ADAMTSL3: variants seen among roughly 807,000 people sequenced by gnomAD.
The protein encoded by ADAMTSL3 is ADAMTS like 3.
In ADAMTSL3, 128 loss-of-function variants were observed where a neutral mutation model predicts 201.7. The ratio of observed to expected loss-of-function variants is 0.63; its 90% CI spans 0.55 to 0.73. ADAMTSL3 has a LOEUF of 0.73. Among genes scored for constraint, ADAMTSL3 ranks in the 30% least tolerant of loss-of-function variants. ADAMTSL3 has a pLI of 0.00. For synonymous variants in ADAMTSL3, 738 were observed against 748.4 expected (o/e 0.99, Z 0.23); for missense variants, 1,990 against 2,119.6 (o/e 0.94, Z 1.20).
intron 10 of ADAMTSL3, 89 bp from the exon 11 acceptor site, chr15:83,890,020 G>GA (rs566486880): frequency 5.8e-3 from 7,287 of 1,262,680 alleles, no homozygotes; most frequent in Non-Finnish European, 6.2e-3. Flanking sequence ...TCTTAAAGAG[G>GA]AAAAAAAAAA....
intron 10 of ADAMTSL3, among the ~76,000 whole-genome samples, chr15:83,886,568 A>T (rs1316044325): frequency 6.6e-6 from 1 of 152,082 alleles, no homozygotes; most frequent in African/African-American, 2.4e-5. Context: ...TGCCTCCCCT[A>T]AACCTCCTAC....
intron 17 of ADAMTSL3, among the ~76,000 whole-genome samples, chr15:83,935,074 C>T (rs966450803): frequency 5.3e-5 from 8 of 152,108 alleles, no homozygotes; most frequent in African/African-American, 1.9e-4. Context: ...TGAGAAATTA[C>T]CTAATAGGTA....
intron 27 of ADAMTSL3, among the ~76,000 whole-genome samples, chr15:84,027,579 G>A (rs540386354): frequency 5.3e-4 from 80 of 152,084 alleles, no homozygotes; most frequent in Non-Finnish European, 8.7e-4. Context: ...GCGTGGTGGC[G>A]GGTGCCTGTA....
In ADAMTSL3 at chr15:83,913,323, G is replaced by A. The variant is rs780806119; in HGVS notation, c.1932G>A (p.Thr644=). The A allele has an allele frequency of 1.1e-5, 17 of 1,613,790 alleles. No homozygotes were observed. Among genetic ancestry groups the A allele is most frequent in the East Asian group, 4.5e-5 (2 of 44,860 alleles). Residue 644 remains threonine, a synonymous_variant, in exon 16 of 30, where the codon ACG becomes ACA. Transcript: ENST00000286744. The part of the protein sequence containing the change: ...LDIPLPEDSE[T]TYDWEYAGFT... ...TCCCTCTCCCTGAGGACAGTGAGAC[G>A]ACTTACGACTGGGAGTACGCTGGGT...
chr15:83,807,237 C>T (rs756985227), intron 5 of ADAMTSL3, among the ~76,000 whole-genome samples: 3 of 152,084 alleles, frequency 2.0e-5, no homozygotes, highest in Admixed American at 1.3e-4. Flanking sequence ...AGGTGGATCA[C>T]GAGGTCAGGA....
chr15:83,663,786 A>C (rs1050061564), intron 2 of ADAMTSL3, among the ~76,000 whole-genome samples: 1 of 152,352 alleles, frequency 6.6e-6, no homozygotes, highest in African/African-American at 2.4e-5. Flanking sequence ...TTTATTGCCA[A>C]GTTGCCCTGA....
chr15:83,714,785 T>TTCTTTCTTTCTTTCTTTCTTTC (rs1411016187), intron 3 of ADAMTSL3, among the ~76,000 whole-genome samples: 8 of 101,434 alleles, frequency 7.9e-5, no homozygotes, highest in Admixed American at 1.1e-4. Context: ...CTTTCTTTCT[T>TTCTTTCTTTCTTTCTTTCTTTC]TTTCTTTCTC....
chr15:83,672,974 A>G (rs2061347235), intron 2 of ADAMTSL3, among the ~76,000 whole-genome samples: 1 of 152,226 alleles, frequency 6.6e-6, no homozygotes, highest in Non-Finnish European at 1.5e-5. Context: ...CATTGTTCAC[A>G]GCTCCAGAGG....
At chr15:83,785,770 A>C (rs1469906497) in intron 4 of ADAMTSL3, among the ~76,000 whole-genome samples, 1 of 149,546 alleles carries the variant, frequency 6.7e-6, no homozygotes, top group East Asian at 1.9e-4. Flanking sequence ...CACATTTATC[A>C]TGTTCTCTTT....
chr15:83,964,124 AGT>A (rs1434866821), intron 19 of ADAMTSL3, among the ~76,000 whole-genome samples: 2 of 152,206 alleles, frequency 1.3e-5, no homozygotes, highest in Non-Finnish European at 2.9e-5. Flanking sequence ...TCACCTGCAA[AGT>A]GTCACAACTC....
At chr15:83,955,676 C>T (rs964961263) in intron 19 of ADAMTSL3, among the ~76,000 whole-genome samples, 19 of 151,942 alleles carry the variant, frequency 1.3e-4, no homozygotes, top group African/African-American at 4.4e-4. Flanking sequence ...CAGTGGGTTC[C>T]CTTCTGGCCC....
At chr15:83,988,870 T>A (rs1219994419) in intron 22 of ADAMTSL3, 52 bp downstream of exon 22, 2 of 1,026,444 alleles carry the variant, frequency 1.9e-6, no homozygotes, top group Non-Finnish European at 2.5e-6. Flanking sequence ...TTTTTATTTT[T>A]ATTTATTTAT....
Position 84,039,565 on chromosome 15 carries a change from G to A in ADAMTSL3, c.*1759G>A, listed in dbSNP as rs1420206794. On this transcript the variant is annotated 3_prime_UTR_variant, in exon 30 of 30. Transcript: ENST00000286744. ...TTTGTATATATTTATTATATGAAAG[G>A]TGCAATATTTTATTTTGTACAGTAT... 1 of 152,534 alleles carries A rather than the reference G, an allele frequency of 6.6e-6. No individual in the cohort carries two copies. Among genetic ancestry groups the A allele is most frequent in the African/African-American group, 2.4e-5 (1 of 41,402 alleles). 9.4% of individuals were successfully genotyped at this position (152,534 alleles called of 1,614,324 possible).
intron 19 of ADAMTSL3, among the ~76,000 whole-genome samples, chr15:83,945,412 G>A (rs989585430): frequency 3.3e-5 from 5 of 152,202 alleles, no homozygotes. Context: ...AAGTGGGTTT[G>A]CTTAATTTTC....
intron 7 of ADAMTSL3, among the ~76,000 whole-genome samples, chr15:83,850,606 C>T (rs1415407148): frequency 1.3e-5 from 2 of 152,026 alleles, no homozygotes; most frequent in Non-Finnish European, 2.9e-5. Flanking sequence ...CTTGAAAAAA[C>T]TGTTTACATT....
rs140111462 is a variant in ADAMTSL3 at position 83,888,602 on chromosome 15, C to T, written c.1073-1507C>T. On this transcript the variant is annotated intron_variant, in intron 10 of 29. Transcript: ENST00000286744. ...ATTAGTTCATCGGTCTCTAAGGTAC[C>T]GGGGGTACTTGAATGGACTTTCCTA... 4.5e-3 allele frequency among the ~76,000 whole-genome samples: 679 copies of T among 152,174 alleles called. 4 individuals carry two copies. The highest frequency in any genetic ancestry group is 0.015 in the African/African-American group (628 of 41,506).
At chr15:83,825,808 G>C (rs2141939621) in intron 6 of ADAMTSL3, among the ~76,000 whole-genome samples, 1 of 152,112 alleles carries the variant, frequency 6.6e-6, no homozygotes, top group Non-Finnish European at 1.5e-5. Flanking sequence ...TAAGGTCCAG[G>C]AGTGCATTCT....
chr15:83,906,086 C>T (rs2065826572), intron 15 of ADAMTSL3, among the ~76,000 whole-genome samples: 1 of 152,096 alleles, frequency 6.6e-6, no homozygotes, highest in Admixed American at 6.5e-5. Flanking sequence ...AAAATGACGT[C>T]ATTGTACAAA....
intron 5 of ADAMTSL3, among the ~76,000 whole-genome samples, chr15:83,813,020 AG>A (rs2063721233): frequency 6.6e-6 from 1 of 152,238 alleles, no homozygotes; most frequent in Admixed American, 6.5e-5. Context: ...GAGTATGGAA[AG>A]GCTGTAACCT....
Sources: gnomAD v4.1 joint callset for allele counts (sites outside exome capture counted in the v4.1 genomes callset) on GRCh38, gnomAD v4.1.1 for gene constraint, MANE v1.5 for transcripts, NCBI Gene and HGNC (gene_info 2026-07-23, HGNC 2026-07-21) for gene names.